The following TBC1D32 variants were observed in gnomAD, a reference collection of about 807,000 sequenced individuals.
The protein encoded by TBC1D32 is protein broad-minded.
In TBC1D32, 151 loss-of-function variants were observed where a neutral mutation model predicts 170.3. That is an observed-to-expected ratio of 0.89 (90% CI 0.78 to 1.01). TBC1D32 has a LOEUF of 1.01. TBC1D32 is among the 50% of genes least tolerant of loss of function. The pLI, the probability that TBC1D32 is intolerant of heterozygous loss-of-function variation, is 0.00. For synonymous variants in TBC1D32, 498 were observed against 488.0 expected, an observed-to-expected ratio of 1.02 and a Z score of -0.27; for missense variants, 1,464 against 1,457.1, an observed-to-expected ratio of 1.00 and a Z score of -0.08.
At chr6:121,277,037 T>G (rs375901481) in intron 15 of TBC1D32, among the ~76,000 whole-genome samples, 1 of 152,136 alleles carries the variant, frequency 6.6e-6, no homozygotes, top group African/African-American at 2.4e-5. Flanking sequence ...AACCAAACAG[T>G]ACCATCAATC....
intron 8 of TBC1D32, 92 bp downstream of exon 8, chr6:121,304,273 A>G (rs928958805): frequency 3.3e-6 from 4 of 1,194,710 alleles, no homozygotes; most frequent in Admixed American, 2.3e-5. Context: ...AGGTAAGTCC[A>G]TTAAGACTGT....
intron 21 of TBC1D32, among the ~76,000 whole-genome samples, chr6:121,217,335 T>A (rs1400661785): frequency 6.6e-6 from 1 of 152,212 alleles, no homozygotes; most frequent in Admixed American, 6.5e-5. Flanking sequence ...CTCAGAAGTA[T>A]ATCAACTCTC....
At chr6:121,181,875 A>T (rs1030574852) in intron 22 of TBC1D32, among the ~76,000 whole-genome samples, 1 of 152,144 alleles carries the variant, frequency 6.6e-6, no homozygotes, top group Non-Finnish European at 1.5e-5. Context: ...CCAGGCACAA[A>T]AAGGCATATA....
At chr6:121,240,112 G>C (rs1796763162) in intron 19 of TBC1D32, among the ~76,000 whole-genome samples, 1 of 152,046 alleles carries the variant, frequency 6.6e-6, no homozygotes, top group African/African-American at 2.4e-5. Flanking sequence ...TCCTAATATA[G>C]TACCTACGAC....
intron 17 of TBC1D32, among the ~76,000 whole-genome samples, chr6:121,249,202 A>G (rs1797987092): frequency 6.7e-6 from 1 of 149,832 alleles, no homozygotes; most frequent in South Asian, 2.1e-4. Flanking sequence ...ATTAAAAACA[A>G]TAAAATTATT....
intron 22 of TBC1D32, among the ~76,000 whole-genome samples, chr6:121,183,856 G>A (rs1459764710): frequency 6.6e-6 from 1 of 151,972 alleles, no homozygotes; most frequent in Non-Finnish European, 1.5e-5. Context: ...CTACCCATAT[G>A]ATTTTATGGC....
rs746669245 is a variant in TBC1D32 at position 121,113,107 on chromosome 6, C to T, written c.3124G>A (p.Glu1042Lys). The change falls in exon 28 of 32, where the codon GAG becomes AAG. Residue 1042 changes from glutamate (E) to lysine (K), a missense_variant. Physicochemically the swap from Glu to Lys is moderately conservative, Grantham distance 56. Coordinates refer to ENST00000398212, the MANE Select transcript of TBC1D32 (RefSeq NM_152730.6). ...NDLTWVLKHC[E>K]RFLKQQQTSI... ...GTTTGCTGCTGTTTCAGGAATCTCT[C>T]ACAATGCTTTAAAACCCAGGTAAGA... 6.2e-7 allele frequency: 1 copy of T among 1,611,574 alleles called. No homozygotes were observed. Among genetic ancestry groups the T allele is most frequent in the South Asian group, 1.1e-5 (1 of 90,690 alleles).
intron 2 of TBC1D32, among the ~76,000 whole-genome samples, chr6:121,320,076 G>A (rs1809490891): frequency 6.6e-6 from 1 of 151,916 alleles, no homozygotes; most frequent in South Asian, 2.1e-4. Context: ...GAATTCTTCT[G>A]TGTGCAAATA....
chr6:121,218,934 G>A (rs1190301243), intron 21 of TBC1D32, among the ~76,000 whole-genome samples: 1 of 152,096 alleles, frequency 6.6e-6, no homozygotes, highest in East Asian at 1.9e-4. Flanking sequence ...TAAGTTTCCT[G>A]AGTCTCCCCA....
chr6:121,137,491 AAAAC>A (rs1221858310), intron 24 of TBC1D32, among the ~76,000 whole-genome samples: 1 of 151,440 alleles, frequency 6.6e-6, no homozygotes, highest in Non-Finnish European at 1.5e-5. Context: ...AAAAAAAAAA[AAAAC>A]AACTACTTTA....
rs147031679 is a variant in TBC1D32 at position 121,270,799 on chromosome 6, A to T, written c.1733+8322T>A. Among the ~76,000 whole-genome samples the T allele has an allele frequency of 2.7e-4, 41 of 152,296 alleles. 1 individual carries two copies. The East Asian group carries it at 6.4e-3, about 24-fold the overall frequency. On this transcript the variant is annotated intron_variant, in intron 15 of 31. Transcript: ENST00000398212. Reference sequence around the variant, plus strand: ...ATCCTGATACTAAAGCCTGGCAGAAACACAACAAAAACAGGGAATTTTAGA... The same window carrying T: ...ATCCTGATACTAAAGCCTGGCAGAATCACAACAAAAACAGGGAATTTTAGA...
chr6:121,186,973 C>T (rs1033022878), intron 22 of TBC1D32, among the ~76,000 whole-genome samples: 1 of 151,856 alleles, frequency 6.6e-6, no homozygotes, highest in East Asian at 1.9e-4. Context: ...CTTGTAACTA[C>T]TAGATATTAG....
intron 22 of TBC1D32, among the ~76,000 whole-genome samples, chr6:121,187,100 A>T (rs551734595): frequency 1.3e-5 from 2 of 152,240 alleles, no homozygotes; most frequent in South Asian, 4.1e-4. Flanking sequence ...CTAGAAAAAA[A>T]ATTGGGGAAG....
chr6:121,285,933 T>C (rs1364057407), intron 12 of TBC1D32, among the ~76,000 whole-genome samples: 1 of 152,186 alleles, frequency 6.6e-6, no homozygotes, highest in East Asian at 1.9e-4. Context: ...GGGTCCTGAC[T>C]GTTAAAAGGA....
intron 12 of TBC1D32, among the ~76,000 whole-genome samples, chr6:121,291,588 A>G (rs1251897157): frequency 6.6e-6 from 1 of 152,170 alleles, no homozygotes; most frequent in Non-Finnish European, 1.5e-5. Context: ...TAAAAATTAT[A>G]TGGTAATATA....
chr6:121,282,624 T>C (rs1347705722), intron 13 of TBC1D32, among the ~76,000 whole-genome samples: 7 of 151,708 alleles, frequency 4.6e-5, no homozygotes, highest in Non-Finnish European at 8.9e-5. Flanking sequence ...AGGACAGATA[T>C]TATTGATGAG....
At chr6:121,188,527 C>T (rs1789516812) in intron 22 of TBC1D32, among the ~76,000 whole-genome samples, 1 of 151,986 alleles carries the variant, frequency 6.6e-6, no homozygotes, top group Non-Finnish European at 1.5e-5. Flanking sequence ...AAGTCCTAAG[C>T]TTCTAAATCC....
intron 31 of TBC1D32, among the ~76,000 whole-genome samples, chr6:121,084,362 T>A (rs78078769): frequency 6.6e-6 from 1 of 152,102 alleles, no homozygotes; most frequent in Non-Finnish European, 1.5e-5. Flanking sequence ...TGGCATACAA[T>A]AAGCACTCAA....
rs577485200 is a variant in TBC1D32 at position 121,161,626 on chromosome 6, A to C, written c.2571-570T>G. Among the ~76,000 whole-genome samples, 108 of 152,266 alleles carry C rather than the reference A, an allele frequency of 7.1e-4. 3 individuals are homozygous for C. In the South Asian group the frequency reaches 0.021, roughly 29 times the overall value. On this transcript the variant is annotated intron_variant, in intron 22 of 31. Coordinates refer to ENST00000398212, the MANE Select transcript of TBC1D32 (RefSeq NM_152730.6). ...TTGATTCCGTGTCTTTGCTATTGTG[A>C]ATAGTGCTGCAATGAACATAAGTGT...
Sources: gnomAD v4.1 joint callset for allele counts (sites outside exome capture counted in the v4.1 genomes callset) on GRCh38, gnomAD v4.1.1 for gene constraint, MANE v1.5 for transcripts, NCBI Gene and HGNC (gene_info 2026-07-23, HGNC 2026-07-21) for gene names.